Variants in WHRN observed in about 807,000 individuals in gnomAD.
WHRN encodes the protein CASK-interacting protein CIP98.
A neutral mutation model predicts 68.3 loss-of-function variants in WHRN; 41 were observed. That is an observed-to-expected ratio of 0.60 (90% CI 0.47 to 0.78). The LOEUF (loss-of-function observed/expected upper bound fraction) is 0.78, where lower values mean the gene tolerates loss of function less well. WHRN is among the 30% of genes least tolerant of loss of function. The pLI, the probability that WHRN is intolerant of heterozygous loss-of-function variation, is 0.00. For synonymous variants in WHRN, 560 were observed against 561.3 expected, an observed-to-expected ratio of 1.00 and a Z score of 0.03; for missense variants, 1,243 against 1,244.7, an observed-to-expected ratio of 1.00 and a Z score of 0.02.
intron 1 of WHRN, among the ~76,000 whole-genome samples, chr9:114,500,966 A>G (rs1843870133): frequency 6.6e-6 from 1 of 152,230 alleles, no homozygotes; most frequent in African/African-American, 2.4e-5. Context: ...AGCAATTTCA[A>G]AAGAACAAGA....
At chr9:114,430,148 G>T (rs1837286573) in intron 3 of WHRN, among the ~76,000 whole-genome samples, 1 of 152,152 alleles carries the variant, frequency 6.6e-6, no homozygotes, top group African/African-American at 2.4e-5. Flanking sequence ...CTACGGAAGG[G>T]CATCCTTCTG....
At chr9:114,450,820 T>C (rs559369868) in intron 3 of WHRN, among the ~76,000 whole-genome samples, 78 of 132,038 alleles carry the variant, frequency 5.9e-4, no homozygotes, top group South Asian at 1.2e-3. Flanking sequence ...GTTATTATTA[T>C]TAGTTTCCCC....
At chr9:114,440,552 G>C (rs1838284660) in intron 3 of WHRN, among the ~76,000 whole-genome samples, 1 of 152,156 alleles carries the variant, frequency 6.6e-6, no homozygotes, top group African/African-American at 2.4e-5. Flanking sequence ...AAAAAATTAA[G>C]ATTTATCAAA....
chr9:114,410,349 T>A (rs1589073452), intron 7 of WHRN, among the ~76,000 whole-genome samples: 1 of 152,232 alleles, frequency 6.6e-6, no homozygotes, highest in Admixed American at 6.5e-5. Context: ...GCTGGATAAA[T>A]GTTTATGAAG....
intron 3 of WHRN, among the ~76,000 whole-genome samples, chr9:114,460,752 T>C (rs570622207): frequency 1.3e-5 from 2 of 152,298 alleles, no homozygotes; most frequent in South Asian, 2.1e-4. Flanking sequence ...CTTCAGGAGC[T>C]AAGTGGGCTG....
intron 9 of WHRN, among the ~76,000 whole-genome samples, chr9:114,405,602 G>C (rs765988674): frequency 1.3e-5 from 2 of 152,188 alleles, no homozygotes; most frequent in Non-Finnish European, 2.9e-5. Flanking sequence ...ATCTGTGACA[G>C]CCCTGGGTCT....
intron 10 of WHRN, among the ~76,000 whole-genome samples, 156 bp from the exon 11 acceptor site, chr9:114,403,495 T>C (rs919920363): frequency 6.6e-6 from 1 of 152,182 alleles, no homozygotes; most frequent in Non-Finnish European, 1.5e-5. Flanking sequence ...GCCAAGCACT[T>C]GTGTTCTTGG....
At chr9:114,453,581 A>G (rs571690857) in intron 3 of WHRN, among the ~76,000 whole-genome samples, 1 of 152,364 alleles carries the variant, frequency 6.6e-6, no homozygotes, top group East Asian at 1.9e-4. Flanking sequence ...TGACAGTTAA[A>G]AAAAACTCAC....
intron 7 of WHRN, among the ~76,000 whole-genome samples, chr9:114,419,809 A>C (rs4979383): frequency 0.2 from 31,063 of 152,174 alleles, 3,709 homozygotes; most frequent in East Asian, 0.33. Context: ...CCACTTCCTG[A>C]GGTCTCACAG....
intron 3 of WHRN, among the ~76,000 whole-genome samples, chr9:114,446,377 CAG>C (rs777736519): frequency 6.6e-6 from 1 of 152,002 alleles, no homozygotes; most frequent in African/African-American, 2.4e-5. Flanking sequence ...TTCGTGGGTA[CAG>C]AGAGTTTTTC....
At chr9:114,424,945 G>T in intron 5 of WHRN, 43 bp downstream of exon 5, 2 of 1,596,804 alleles carry the variant, frequency 1.3e-6, no homozygotes, top group Admixed American at 1.7e-5. Context: ...CTCACTCAGG[G>T]AGCTGTGAGG....
At chr9:114,444,923 A>G (rs1028106951) in intron 3 of WHRN, among the ~76,000 whole-genome samples, 2 of 152,092 alleles carry the variant, frequency 1.3e-5, no homozygotes, top group Non-Finnish European at 2.9e-5. Context: ...CCATGTAGAC[A>G]TTACACACTG....
intron 1 of WHRN, among the ~76,000 whole-genome samples, chr9:114,483,344 T>C (rs1032142568): frequency 3.3e-5 from 5 of 152,210 alleles, no homozygotes; most frequent in African/African-American, 9.7e-5. Flanking sequence ...GTGTGGGTCA[T>C]GCAGGGAAGG....
intron 3 of WHRN, among the ~76,000 whole-genome samples, chr9:114,439,432 A>C (rs1219113166): frequency 6.6e-6 from 1 of 152,242 alleles, no homozygotes; most frequent in African/African-American, 2.4e-5. Context: ...CAATTCTGAA[A>C]CTACTTTTGT....
intron 3 of WHRN, among the ~76,000 whole-genome samples, chr9:114,460,480 C>CTT (rs1416273009): frequency 2.0e-5 from 3 of 152,222 alleles, no homozygotes; most frequent in Admixed American, 6.5e-5. Context: ...GCTAGTCAAT[C>CTT]TCAGTTGTCC....
At chr9:114,429,663 C>T (rs1214255154) in intron 3 of WHRN, among the ~76,000 whole-genome samples, 3 of 152,228 alleles carry the variant, frequency 2.0e-5, no homozygotes, top group Admixed American at 6.5e-5. Context: ...GACCCAACAC[C>T]TGGCTCGGGG....
chr9:114,405,177 T>C (rs1834940691), intron 9 of WHRN, among the ~76,000 whole-genome samples: 1 of 150,164 alleles, frequency 6.7e-6, no homozygotes, highest in African/African-American at 2.5e-5. Flanking sequence ...TGGGTTCAAG[T>C]GGTCCTCCCA....
chr9:114,406,572 G>A lies in WHRN; in HGVS notation c.2019C>T (p.Asn673=). 4 of 1,611,764 alleles carry A rather than the reference G, an allele frequency of 2.5e-6. No individual in the cohort carries two copies. Among genetic ancestry groups the A allele is most frequent in the Non-Finnish European group, 3.4e-6 (4 of 1,178,472 alleles). The change falls in exon 9 of 12, where the codon AAC becomes AAT. Residue 673 remains asparagine, a synonymous_variant. Coordinates refer to ENST00000362057, the MANE Select transcript of WHRN (RefSeq NM_015404.4). ...GTGGGAAGGGGCCGATGGGGTGTTG[G>A]TTGACCAGGGCCAGATGGGCGTCCA... ...RPLDAHLALV[N]QHPIGPFPRV...
chr9:114,454,687 A>AT (rs57808021), intron 3 of WHRN, among the ~76,000 whole-genome samples: 13,516 of 150,416 alleles, frequency 0.09, 1,628 homozygotes, highest in African/African-American at 0.28. Context: ...AGGAAGCTAT[A>AT]TTTTTTTTTT....
Sources: allele counts gnomAD v4.1 joint callset (sites outside exome capture counted in the v4.1 genomes callset), GRCh38; gene constraint gnomAD v4.1.1; transcripts MANE v1.5; gene names NCBI Gene and HGNC (gene_info 2026-07-23, HGNC 2026-07-21).